Variants in FOXP1 observed in about 807,000 individuals in gnomAD.
The protein encoded by FOXP1 is forkhead box P1.
In FOXP1, 15 loss-of-function variants were observed where a neutral mutation model predicts 98.2. That is an observed-to-expected ratio of 0.15 (90% CI 0.10 to 0.24). The LOEUF is 0.24. Ranked by LOEUF, FOXP1 falls within the 10% of genes least tolerant of loss-of-function variation. The pLI is 1.00. For synonymous variants in FOXP1, 371 were observed against 314.5 expected (o/e 1.18, Z -1.90); for missense variants, 633 against 848.5 (o/e 0.75, Z 3.15).
intron 5 of FOXP1, among the ~76,000 whole-genome samples, chr3:71,205,626 G>A (rs1418548062): frequency 6.6e-6 from 1 of 152,184 alleles, no homozygotes; most frequent in Non-Finnish European, 1.5e-5. Context: ...ATGGAAGTGA[G>A]GAGTCGGGCC....
In FOXP1 at chr3:71,166,391, T is replaced by G. The variant is rs150747351; in HGVS notation, c.180+31811A>C. On this transcript the variant is annotated intron_variant, in intron 6 of 20. Transcript: ENST00000649528. ...TCTTCCAAAGATTCACGCAGTTCCA[T>G]TCTTTAAACTTTTCTTGAACTTTCT... 2.8e-4 allele frequency among the ~76,000 whole-genome samples: 43 copies of G among 152,338 alleles called. No homozygotes were observed. In the East Asian group the frequency reaches 8.1e-3, roughly 29 times the overall value.
intron 6 of FOXP1, among the ~76,000 whole-genome samples, chr3:71,131,749 T>C (rs2059583770): frequency 6.6e-6 from 1 of 152,166 alleles, no homozygotes; most frequent in Non-Finnish European, 1.5e-5. Context: ...CAGAAGCATC[T>C]AAAGCTTATA....
chr3:71,265,172 T>A (rs568560511), intron 5 of FOXP1, among the ~76,000 whole-genome samples: 41 of 152,302 alleles, frequency 2.7e-4, no homozygotes, highest in African/African-American at 9.4e-4. Context: ...CTTTTCTCTC[T>A]CAAGAAATTT....
intron 7 of FOXP1, among the ~76,000 whole-genome samples, chr3:71,109,426 G>GATTT (rs201988876): frequency 6.5e-5 from 2 of 30,736 alleles, no homozygotes; most frequent in Non-Finnish European, 1.7e-4. Context: ...GGGATTTGGG[G>GATTT]GTTTTTTTTT....
intron 14 of FOXP1, among the ~76,000 whole-genome samples, chr3:70,983,888 C>A (rs897869589): frequency 1.3e-5 from 2 of 152,122 alleles, no homozygotes; most frequent in African/African-American, 4.8e-5. Context: ...CTCCCTCCCC[C>A]AAATGAAGTA....
At chr3:71,022,242 A>G (rs2045548551) in intron 11 of FOXP1, among the ~76,000 whole-genome samples, 1 of 152,188 alleles carries the variant, frequency 6.6e-6, no homozygotes, top group Non-Finnish European at 1.5e-5. Context: ...GTATCAAACC[A>G]TTACTTTTGT....
intron 3 of FOXP1, among the ~76,000 whole-genome samples, chr3:71,459,656 T>C (rs554043125): frequency 5.9e-4 from 90 of 152,326 alleles, no homozygotes; most frequent in African/African-American, 1.6e-3. Context: ...AATATTCCAT[T>C]CAAAATCATA....
chr3:71,316,803 G>A lies in FOXP1; in HGVS notation c.-72-16923C>T, dbSNP rs563460416. 6.8e-3 allele frequency among the ~76,000 whole-genome samples: 1,036 copies of A among 151,786 alleles called. 14 individuals are homozygous for A. The highest frequency in any genetic ancestry group is 0.023 in the African/African-American group (971 of 41,328). Reference sequence around the variant, plus strand: ...CTCCTGAGTAGCTGGGACTACAGGCGCCTGCCACCATGCCCAGCTAATTTT... The same window carrying A: ...CTCCTGAGTAGCTGGGACTACAGGCACCTGCCACCATGCCCAGCTAATTTT... On this transcript the variant is annotated intron_variant, in intron 4 of 20. Coordinates refer to ENST00000649528, the MANE Select transcript of FOXP1 (RefSeq NM_001349338.3).
intron 6 of FOXP1, among the ~76,000 whole-genome samples, chr3:71,181,608 C>A (rs1462709182): frequency 6.6e-6 from 1 of 152,114 alleles, no homozygotes; most frequent in East Asian, 1.9e-4. Flanking sequence ...TTAAATCAGT[C>A]TCTAGCAGAA....
chr3:71,316,659 TC>T (rs1219170143), intron 4 of FOXP1, among the ~76,000 whole-genome samples: 3 of 151,018 alleles, frequency 2.0e-5, no homozygotes, highest in Non-Finnish European at 2.9e-5. Flanking sequence ...TAGGGCATAT[TC>T]TTTTTTTTTT....
chr3:71,306,631 CAAAAAAAAAAAAAAAA>C (rs66479255), intron 4 of FOXP1, among the ~76,000 whole-genome samples: 1 of 42,852 alleles, frequency 2.3e-5, no homozygotes. Context: ...GAGAATAAGC[CAAAAAAAAAAAAAAAA>C]AAAAAAAAAC....
At chr3:71,223,828 C>A (rs1448369630) in intron 5 of FOXP1, among the ~76,000 whole-genome samples, 1 of 152,146 alleles carries the variant, frequency 6.6e-6, no homozygotes, top group African/African-American at 2.4e-5. Flanking sequence ...CAGGAGTACC[C>A]CATTACTGCT....
chr3:71,475,162 C>T (rs549017300), intron 3 of FOXP1, among the ~76,000 whole-genome samples: 7 of 152,186 alleles, frequency 4.6e-5, no homozygotes, highest in South Asian at 2.1e-4. Flanking sequence ...ATTTCCAATG[C>T]CATCCCCCAA....
At chr3:71,270,137 T>C (rs2070193323) in intron 5 of FOXP1, among the ~76,000 whole-genome samples, 1 of 152,202 alleles carries the variant, frequency 6.6e-6, no homozygotes. Context: ...ACTTCCTTGT[T>C]AGCAGCCTCC....
chr3:71,471,462 G>C (rs2089339318), intron 3 of FOXP1, among the ~76,000 whole-genome samples: 1 of 152,002 alleles, frequency 6.6e-6, no homozygotes, highest in Non-Finnish European at 1.5e-5. Flanking sequence ...CACAAAAATG[G>C]TATATCCCAC....
At chr3:71,179,798 G>A (rs1470864513) in intron 6 of FOXP1, among the ~76,000 whole-genome samples, 4 of 152,204 alleles carry the variant, frequency 2.6e-5, no homozygotes, top group Admixed American at 6.5e-5. Context: ...GATTGCAAGC[G>A]ATATAGCTTT....
intron 5 of FOXP1, among the ~76,000 whole-genome samples, chr3:71,251,823 C>T (rs955008087): frequency 6.6e-6 from 1 of 152,176 alleles, no homozygotes; most frequent in African/African-American, 2.4e-5. Context: ...CCTTTGTAGG[C>T]TCAACGTAGA....
At chr3:71,181,991 C>A (rs913840404) in intron 6 of FOXP1, among the ~76,000 whole-genome samples, 1 of 148,612 alleles carries the variant, frequency 6.7e-6, no homozygotes, top group Non-Finnish European at 1.5e-5. Context: ...GCCGAGATCG[C>A]GCCACTGCAC....
intron 16 of FOXP1, among the ~76,000 whole-genome samples, chr3:70,977,379 A>G (rs1236869660): frequency 1.3e-5 from 2 of 152,186 alleles, no homozygotes; most frequent in East Asian, 3.8e-4. Flanking sequence ...GGGATCAGAG[A>G]TTACTGTAGC....
Sources: allele counts gnomAD v4.1 joint callset (sites outside exome capture counted in the v4.1 genomes callset), GRCh38; gene constraint gnomAD v4.1.1; transcripts MANE v1.5; gene names NCBI Gene and HGNC (gene_info 2026-07-23, HGNC 2026-07-21).